Variants in USP36 observed in about 807,000 individuals in gnomAD.
The protein encoded by USP36 is ubiquitin carboxyl-terminal hydrolase 36.
A neutral mutation model predicts 111.5 loss-of-function variants in USP36; 59 were observed. The ratio of observed to expected loss-of-function variants is 0.53; its 90% CI spans 0.43 to 0.66. The LOEUF (loss-of-function observed/expected upper bound fraction) is 0.66, where lower values mean the gene tolerates loss of function less well. Ranked by LOEUF, USP36 falls within the 30% of genes least tolerant of loss-of-function variation. USP36 has a pLI of 0.00. For synonymous variants in USP36, 628 were observed against 581.0 expected (o/e 1.08, Z -1.16); for missense variants, 1,488 against 1,468.0 (o/e 1.01, Z -0.22).
chr17:78,840,115 C>A (rs1023318874), intron 1 of USP36, among the ~76,000 whole-genome samples: 2 of 152,178 alleles, frequency 1.3e-5, no homozygotes, highest in South Asian at 4.1e-4. Context: ...GCGGACACAG[C>A]GACCCGAGCA....
At chr17:78,812,255 C>A (rs1293834826) in intron 13 of USP36, among the ~76,000 whole-genome samples, 1 of 152,178 alleles carries the variant, frequency 6.6e-6, no homozygotes, top group Admixed American at 6.5e-5. Flanking sequence ...TTGCTTGGCA[C>A]ACCTGTCACG....
At chr17:78,814,051 C>A (rs2094128019) in intron 11 of USP36, among the ~76,000 whole-genome samples, 178 bp from the exon 12 acceptor site, 1 of 152,116 alleles carries the variant, frequency 6.6e-6, no homozygotes, top group African/African-American at 2.4e-5. Context: ...GAATGTGACC[C>A]CAAAGTGTGC....
chr17:78,806,194 G>T lies in USP36; in HGVS notation c.2178C>A (p.His726Gln). The change falls in exon 15 of 21, where the codon CAC (histidine) becomes CAA (glutamine). Residue 726 changes from histidine to glutamine, a missense_variant. Around this residue, in one of 3 missense-constraint regions of USP36, gnomAD observed 1,073 missense variants for 994.1 expected, o/e 1.08. Transcript: ENST00000449938. ...CGGGCCAAGTGGAGGCAACGACGGG[G>T]TGAGAGGTTTTCATGGGGTGGGTGA... The part of the protein sequence containing the change: ...SDLTHPMKTS[H>Q]PVVASTWPVH... 1 of 1,613,584 alleles carries T rather than the reference G, an allele frequency of 6.2e-7. No individual in the cohort carries two copies. The highest frequency in any genetic ancestry group is 8.5e-7 in the Non-Finnish European group (1 of 1,179,952).
chr17:78,807,758 AAATT>A, intron 13 of USP36, 122 bp from the exon 14 acceptor site: 2 of 996,780 alleles, frequency 2.0e-6, no homozygotes, highest in Non-Finnish European at 2.8e-6. Flanking sequence ...TGCTCAAGAT[AAATT>A]ATTTATCTGG....
chr17:78,799,523 G>T, intron 18 of USP36, 144 bp downstream of exon 18: 4 of 726,520 alleles, frequency 5.5e-6, no homozygotes, highest in Non-Finnish European at 6.9e-6. Flanking sequence ...ACTCCAGCCA[G>T]TGTTGAGATT....
Position 78,828,982 on chromosome 17 carries a change from C to T in USP36, c.501G>A (p.Leu167=), listed in dbSNP as rs1183148359. The T allele has an allele frequency of 1.2e-6, 2 of 1,613,986 alleles. No homozygotes were observed. Among genetic ancestry groups the T allele is most frequent in the Middle Eastern group, 1.7e-4 (1 of 6,036 alleles). Residue 167 remains leucine, a synonymous_variant, in exon 5 of 21, where the codon CTG becomes CTA. Transcript: ENST00000449938. The part of the protein sequence containing the change: ...RSCHQGSFCM[L]CVMQNHIVQA... ...GGACAATGTGGTTCTGCATGACACACAGCATGCAGAAGCTTCCCTGGTGGC... is the reference window on the plus strand; with the variant it reads ...GGACAATGTGGTTCTGCATGACACATAGCATGCAGAAGCTTCCCTGGTGGC...
Position 78,817,993 on chromosome 17 carries a change from G to A in USP36, c.1023+674C>T, listed in dbSNP as rs548601324. Among the ~76,000 whole-genome samples the A allele has an allele frequency of 2.2e-4, 33 of 152,278 alleles. No homozygotes were observed. In the South Asian group the frequency reaches 3.9e-3, roughly 18 times the overall value. On this transcript the variant is annotated intron_variant, in intron 10 of 20. Coordinates refer to ENST00000449938, the MANE Select transcript of USP36 (RefSeq NM_001385174.1). ...CCAGCTACTCAGGAGGCTAAGGCAG[G>A]GGGATCGCTTGAGCTTGGGAGGTCA...
rs1325968279 is a variant in USP36 at position 78,803,121 on chromosome 17, G to T, written c.2810+264C>A. On this transcript the variant is annotated intron_variant, in intron 16 of 20. Coordinates refer to ENST00000449938, the MANE Select transcript of USP36 (RefSeq NM_001385174.1). The surrounding 1 kb of genome is among the most constrained non-coding windows in gnomAD (Gnocchi z 4.6). Reference sequence around the variant, plus strand: ...GCCCAACCAATTTTTGTTTTTGGTAGAGAAAGGGCTTTTCCATATTGCCTA... The same window carrying T: ...GCCCAACCAATTTTTGTTTTTGGTATAGAAAGGGCTTTTCCATATTGCCTA... Among the ~76,000 whole-genome samples the T allele has an allele frequency of 5.3e-5, 8 of 151,970 alleles. No individual in the cohort carries two copies. The highest frequency in any genetic ancestry group is 1.2e-4 in the Non-Finnish European group (8 of 67,992).
chr17:78,840,410 T>C (rs939933910), intron 1 of USP36: 3 of 152,248 alleles, frequency 2.0e-5, no homozygotes, highest in Admixed American at 6.5e-5. Flanking sequence ...CTCTCCGAAG[T>C]TGACCTGAAT....
chr17:78,804,016 G>A (rs926663573), intron 15 of USP36, 38 bp from the exon 16 acceptor site: 1 of 1,461,506 alleles, frequency 6.8e-7, no homozygotes, highest in South Asian at 1.2e-5. Context: ...AGGATGTTCT[G>A]AAAGACCCAG....
At position 78,828,999 on chromosome 17, in the gene USP36, C is replaced by G; in HGVS notation, c.484G>C (p.Gly162Arg). 6.2e-7 allele frequency: 1 copy of G among 1,611,484 alleles called. No homozygotes were observed. The highest frequency in any genetic ancestry group is 2.2e-5 in the East Asian group (1 of 44,828). ...ATGACACACAGCATGCAGAAGCTTC[C>G]CTGGTGGCCTGCCGGCGTGGAAGGA... is the stretch of plus-strand genomic sequence containing the variant. ...SKEHARSCHQ[G>R]SFCMLCVMQN... Residue 162 changes from glycine to arginine, a missense_variant, in exon 5 of 21, where the codon GGA (glycine) becomes CGA (arginine). Gly to Arg is a moderately radical substitution (Grantham distance 125). This residue lies in a region of USP36 where 219 missense variants were observed against 209.5 expected (regional missense o/e 1.05). Coordinates refer to ENST00000449938, the MANE Select transcript of USP36 (RefSeq NM_001385174.1).
chr17:78,811,130 C>CAAAAAAAAAAAAAA (rs969048033), intron 13 of USP36, among the ~76,000 whole-genome samples: 1 of 28,348 alleles, frequency 3.5e-5, no homozygotes, highest in Non-Finnish European at 7.5e-5. Context: ...GACTCTGTCT[C>CAAAAAAAAAAAAAA]AAAAAAAAAA....
chr17:78,812,115 A>C (rs889330043), intron 13 of USP36, among the ~76,000 whole-genome samples: 1 of 152,004 alleles, frequency 6.6e-6, no homozygotes, highest in African/African-American at 2.4e-5. Flanking sequence ...TGAATCCAGG[A>C]GCTCAAGCCT....
intron 8 of USP36, among the ~76,000 whole-genome samples, chr17:78,820,241 G>A (rs190229839): frequency 2.0e-5 from 3 of 152,284 alleles, no homozygotes; most frequent in East Asian, 3.9e-4. Context: ...TTGGGAGGCC[G>A]GGGCAGGAGG....
intron 8 of USP36, 22 bp downstream of exon 8, chr17:78,820,969 G>A (rs2094304008): frequency 1.9e-6 from 3 of 1,602,168 alleles, no homozygotes; most frequent in Admixed American, 1.7e-5. Context: ...CTGCAAAAGT[G>A]AAGGGCAGGA....
intron 6 of USP36, among the ~76,000 whole-genome samples, chr17:78,825,137 T>C (rs78592046): frequency 6.6e-6 from 1 of 152,086 alleles, no homozygotes; most frequent in Non-Finnish European, 1.5e-5. Context: ...GCATCATCAG[T>C]AGACCCATCC....
In USP36 at chr17:78,803,315, G is replaced by C; in HGVS notation, c.2810+70C>G. On this transcript the variant is annotated intron_variant, in intron 16 of 20. Coordinates refer to ENST00000449938, the MANE Select transcript of USP36 (RefSeq NM_001385174.1). This position sits in a 1 kb window ranked among gnomAD's most constrained non-coding sequence, Gnocchi z 4.6. ...ACGTTTCCAGACCATACCTACTTGG[G>C]GGTAGATTCTGTGGTTTTGCTTTGT... 1 of 1,499,928 alleles carries C rather than the reference G, an allele frequency of 6.7e-7. No individual in the cohort carries two copies. Among genetic ancestry groups the C allele is most frequent in the Non-Finnish European group, 9.1e-7 (1 of 1,097,870 alleles). The allele number at this position is 1,499,928 out of a possible 1,614,324, so 92.9% of individuals were successfully genotyped here. A position where few individuals can be genotyped will look rare whatever the true frequency, so the allele number is the denominator to read the frequency against.
At chr17:78,814,374 T>C (rs772201838) in intron 11 of USP36, 38 bp downstream of exon 11, 2 of 1,610,576 alleles carry the variant, frequency 1.2e-6, no homozygotes, top group Non-Finnish European at 1.7e-6. Flanking sequence ...TGCTGAAACC[T>C]GTCCCAGGAG....
chr17:78,837,501 T>C (rs1232464392), intron 2 of USP36, among the ~76,000 whole-genome samples: 1 of 152,120 alleles, frequency 6.6e-6, no homozygotes, highest in Non-Finnish European at 1.5e-5. Flanking sequence ...GCTTGGGAAG[T>C]GCTTTAGAGC....
Sources: gnomAD v4.1 joint callset for allele counts (sites outside exome capture counted in the v4.1 genomes callset) on GRCh38, gnomAD v4.1.1 for gene constraint, gnomAD v4.1.1 regional missense constraint, Gnocchi (gnomAD v3.1) non-coding constraint, MANE v1.5 for transcripts, NCBI Gene and HGNC (gene_info 2026-07-23, HGNC 2026-07-21) for gene names.